The following DOCK8 variants were observed in gnomAD, a reference collection of about 807,000 sequenced individuals.
The protein encoded by DOCK8 is dedicator of cytokinesis 8, also known as dedicator of cytokinesis protein 8.
In DOCK8, 141 loss-of-function variants were observed where a neutral mutation model predicts 245.6. That is an observed-to-expected ratio of 0.57 (90% CI 0.50 to 0.66). DOCK8 has a LOEUF of 0.66. Ranked by LOEUF, DOCK8 falls within the 30% of genes least tolerant of loss-of-function variation. DOCK8 has a pLI of 0.00. For missense variants in DOCK8, 2,965 were observed against 2,603.4 expected, an observed-to-expected ratio of 1.14 and a Z score of -3.02; for synonymous variants, 1,168 against 970.2, an observed-to-expected ratio of 1.20 and a Z score of -3.79.
At chr9:421,166 C>A in intron 32 of DOCK8, 88 bp downstream of exon 32, 1 of 1,546,128 alleles carries the variant, frequency 6.5e-7, no homozygotes, top group South Asian at 1.1e-5. Context: ...GATTAGACAC[C>A]ATTACTTTCT....
At chr9:287,343 G>A (rs950517120) in intron 3 of DOCK8, among the ~76,000 whole-genome samples, 5 of 152,076 alleles carry the variant, frequency 3.3e-5, no homozygotes, top group African/African-American at 1.2e-4. Context: ...TGAAACGCCT[G>A]TTGCTTCTAA....
intron 1 of DOCK8, among the ~76,000 whole-genome samples, chr9:225,985 G>A (rs190750156): frequency 3.9e-5 from 6 of 152,188 alleles, no homozygotes; most frequent in African/African-American, 7.2e-5. Flanking sequence ...AGCAAAGAAC[G>A]AATCACATAA....
At chr9:403,885 T>G (rs1401747021) in intron 26 of DOCK8, among the ~76,000 whole-genome samples, 2 of 91,688 alleles carry the variant, frequency 2.2e-5, no homozygotes, top group Non-Finnish European at 3.8e-5. Context: ...TCTCTCTCTC[T>G]CTCTCTCTAT....
chr9:460,849 G>C lies in DOCK8; in HGVS notation c.6069-2668G>C, dbSNP rs1423834004. 3.9e-5 allele frequency among the ~76,000 whole-genome samples: 6 copies of C among 152,212 alleles called. No individual in the cohort carries two copies. In the East Asian group the frequency reaches 1.2e-3, roughly 29 times the overall value. ...TTAAGAGGATTTGATAACAATGTCT[G>C]GGTATCTCCATAACTTAGTCCAAAT... On this transcript the variant is annotated intron_variant, in intron 46 of 47. Coordinates refer to ENST00000432829, the MANE Select transcript of DOCK8 (RefSeq NM_203447.4).
chr9:328,268 A>G, intron 9 of DOCK8, 97 bp downstream of exon 9: 5 of 1,422,364 alleles, frequency 3.5e-6, no homozygotes, highest in Non-Finnish European at 4.8e-6. Flanking sequence ...GAATGTGTCC[A>G]CATATCCTCT....
chr9:430,047 A>G (rs1198118026), intron 36 of DOCK8, among the ~76,000 whole-genome samples, 193 bp downstream of exon 36: 4 of 152,236 alleles, frequency 2.6e-5, no homozygotes, highest in Non-Finnish European at 5.9e-5. Flanking sequence ...TTCATCAGAT[A>G]AATGCAGTGG....
chr9:226,181 G>A (rs1280567621), intron 1 of DOCK8, among the ~76,000 whole-genome samples: 3 of 152,108 alleles, frequency 2.0e-5, no homozygotes, highest in Admixed American at 1.3e-4. Flanking sequence ...TGAATGAGGA[G>A]CAAAGGCATA....
In DOCK8 at chr9:442,008, A is replaced by G; in HGVS notation, c.5489A>G (p.Glu1830Gly). 1 of 1,613,998 alleles carries G rather than the reference A, an allele frequency of 6.2e-7. No homozygotes were observed. The highest frequency in any genetic ancestry group is 8.5e-7 in the Non-Finnish European group (1 of 1,180,000). ...CTTCCTGAGATCTCACATAGACTAG[A>G]GGTAAGAAAAGTGATTCTGTGCGCC... ...TKLPEISHRL[E>G]AFYGQCFGAE... The change falls in exon 42 of 48, where the codon GAG (glutamate) becomes GGG (glycine). Residue 1830 changes from glutamate (E) to glycine (G), a missense_variant and splice_region_variant. Physicochemically the swap from Glu to Gly is moderately conservative, Grantham distance 98. Around this residue, in one of 3 missense-constraint regions of DOCK8, gnomAD observed 2,825 missense variants for 2,453.5 expected, o/e 1.15. Coordinates refer to ENST00000432829, the MANE Select transcript of DOCK8 (RefSeq NM_203447.4).
intron 14 of DOCK8, among the ~76,000 whole-genome samples, chr9:346,652 C>A (rs1302575943): frequency 6.6e-6 from 1 of 152,064 alleles, no homozygotes; most frequent in Non-Finnish European, 1.5e-5. Flanking sequence ...GGATAATTAG[C>A]TGTTTTCAGG....
At chr9:413,790 G>A (rs2055863567) in intron 28 of DOCK8, among the ~76,000 whole-genome samples, 1 of 152,210 alleles carries the variant, frequency 6.6e-6, no homozygotes, top group South Asian at 2.1e-4. Context: ...AGACACTGCT[G>A]GTGGGAATGT....
At chr9:349,609 TA>T (rs757341255) in intron 14 of DOCK8, among the ~76,000 whole-genome samples, 6 of 152,182 alleles carry the variant, frequency 3.9e-5, no homozygotes, top group Non-Finnish European at 5.9e-5. Flanking sequence ...ACTCACTTGA[TA>T]GGGGTGACAT....
intron 46 of DOCK8, chr9:452,834 C>CA (rs2057509712): frequency 6.6e-6 from 1 of 152,190 alleles, no homozygotes; most frequent in Non-Finnish European, 1.5e-5. Context: ...CAAGAGCAGT[C>CA]AGTTAGGAAC....
rs565285209 is a variant in DOCK8, at chr9:301,641, T to C, written c.405-2940T>C. Reference sequence around the variant, plus strand: ...AAGGCTCCTAGAACTGATAAACAACTTCAGTAAAGTTTCAGGATACAAAAT... The same window carrying C: ...AAGGCTCCTAGAACTGATAAACAACCTCAGTAAAGTTTCAGGATACAAAAT... On this transcript the variant is annotated intron_variant, in intron 4 of 47. Transcript: ENST00000432829. Among the ~76,000 whole-genome samples the C allele has an allele frequency of 3.9e-5, 6 of 152,286 alleles. No homozygotes were observed. In the South Asian group the frequency reaches 1.2e-3, roughly 32 times the overall value.
At chr9:382,800 C>A in intron 22 of DOCK8, 115 bp downstream of exon 22, 1 of 1,361,954 alleles carries the variant, frequency 7.3e-7, no homozygotes, top group Non-Finnish European at 1.0e-6. Context: ...TGGTCGGATG[C>A]TTTAATGCTC....
At chr9:299,098 A>G (rs903390860) in intron 4 of DOCK8, among the ~76,000 whole-genome samples, 8 of 152,110 alleles carry the variant, frequency 5.3e-5, no homozygotes, top group African/African-American at 1.9e-4. Context: ...ATAACTTAAT[A>G]TTTGCATATA....
intron 6 of DOCK8, among the ~76,000 whole-genome samples, chr9:315,499 CA>C (rs1183017777): frequency 2.0e-5 from 3 of 152,110 alleles, no homozygotes; most frequent in Non-Finnish European, 4.4e-5. Flanking sequence ...TTGAAACTGA[CA>C]AAAATTATTT....
At chr9:214,710 G>A, upstream of DOCK8, 1 of 1,550,538 alleles carries the variant, frequency 6.4e-7, no homozygotes, top group East Asian at 2.4e-5. Flanking sequence ...AGTATCGGGA[G>A]GCCAGTTCCG....
chr9:234,640 A>G (rs1347508968), intron 1 of DOCK8, among the ~76,000 whole-genome samples: 1 of 151,988 alleles, frequency 6.6e-6, no homozygotes, highest in Non-Finnish European at 1.5e-5. Flanking sequence ...ACTTCATTTC[A>G]TTCATTTCAT....
chr9:276,762 A>T (rs1166316015), intron 2 of DOCK8, among the ~76,000 whole-genome samples: 1 of 152,236 alleles, frequency 6.6e-6, no homozygotes, highest in Non-Finnish European at 1.5e-5. Context: ...GTCTATAATC[A>T]GTACCTCTGT....
Sources: allele counts gnomAD v4.1 joint callset (sites outside exome capture counted in the v4.1 genomes callset), GRCh38; gene constraint gnomAD v4.1.1; regional missense constraint gnomAD v4.1.1; transcripts MANE v1.5; gene names NCBI Gene and HGNC (gene_info 2026-07-23, HGNC 2026-07-21).